The following ABI1 variants were observed in gnomAD, a reference collection of about 807,000 sequenced individuals.
ABI1 encodes the protein abl interactor 1, also known as Abelson interactor 1.
ABI1 carries 14 observed loss-of-function variants against 54.6 expected under a neutral mutation model. That is an observed-to-expected ratio of 0.26 (90% CI 0.17 to 0.40). ABI1 has a LOEUF of 0.40. Among genes scored for constraint, ABI1 ranks in the 10% least tolerant of loss-of-function variants. ABI1 has a pLI of 1.00. For missense variants in ABI1, 443 were observed against 598.3 expected (o/e 0.74, Z 2.71); for synonymous variants, 194 against 209.3 (o/e 0.93, Z 0.63).
intron 2 of ABI1, among the ~76,000 whole-genome samples, chr10:26,807,494 T>C (rs998471104): frequency 2.0e-5 from 3 of 152,044 alleles, no homozygotes; most frequent in South Asian, 2.1e-4. Context: ...AAAAAAAAAG[T>C]TGATACTAAA....
chr10:26,830,201 AG>A (rs2048572013), intron 1 of ABI1, among the ~76,000 whole-genome samples: 1 of 152,170 alleles, frequency 6.6e-6, no homozygotes, highest in Non-Finnish European at 1.5e-5. Context: ...GGTTGTTTCC[AG>A]TTCTGGGCTA....
In ABI1 at chr10:26,765,220, G is replaced by C. The variant is rs776813895; in HGVS notation, c.818C>G (p.Pro273Arg). The C allele has an allele frequency of 4.2e-5, 67 of 1,595,706 alleles. No individual in the cohort carries two copies. The highest frequency in any genetic ancestry group is 5.2e-5 in the Admixed American group (3 of 57,596). Residue 273 changes from proline (P) to arginine (R), a missense_variant and splice_region_variant, in exon 7 of 11, where the codon CCA becomes CGA. By Grantham distance (103) the Pro-to-Arg change is moderately radical. Transcript: ENST00000376140. Reference sequence around the variant, plus strand: ...ACATAGATTAATAAATAACACACCTGGTCCAATAGTGGGTGGCGAAGGTGT... The same window carrying C: ...ACATAGATTAATAAATAACACACCTCGTCCAATAGTGGGTGGCGAAGGTGT... ...VPTPSPPTIG[P>R]AAPGSAPGSQ...
At chr10:26,792,398 A>C (rs1361253138) in intron 2 of ABI1, among the ~76,000 whole-genome samples, 1 of 152,234 alleles carries the variant, frequency 6.6e-6, no homozygotes, top group African/African-American at 2.4e-5. Flanking sequence ...CAGGTGAAAG[A>C]GAAAAAAGGA....
chr10:26,765,717 T>G (rs1839870983), intron 6 of ABI1, among the ~76,000 whole-genome samples: 2 of 136,528 alleles, frequency 1.5e-5, no homozygotes, highest in African/African-American at 2.8e-5. Flanking sequence ...TGGTAGGCAA[T>G]GGGAGGGTTG....
At chr10:26,797,014 G>A (rs1474662516) in intron 2 of ABI1, among the ~76,000 whole-genome samples, 1 of 152,164 alleles carries the variant, frequency 6.6e-6, no homozygotes, top group Admixed American at 6.5e-5. Flanking sequence ...CTCCTGCTAT[G>A]CAGCCCGGTT....
chr10:26,826,490 G>A (rs918478049), intron 1 of ABI1, among the ~76,000 whole-genome samples: 1 of 152,164 alleles, frequency 6.6e-6, no homozygotes, highest in African/African-American at 2.4e-5. Flanking sequence ...TGGCAAATGA[G>A]CACTGGATTC....
chr10:26,838,041 TGA>T (rs200203182), intron 1 of ABI1, among the ~76,000 whole-genome samples: 3 of 150,656 alleles, frequency 2.0e-5, no homozygotes, highest in Non-Finnish European at 3.0e-5. Context: ...TTTTTTTTTT[TGA>T]GAGAGAGTCT....
At chr10:26,841,286 A>C (rs892490960) in intron 1 of ABI1, among the ~76,000 whole-genome samples, 1 of 152,096 alleles carries the variant, frequency 6.6e-6, no homozygotes, top group African/African-American at 2.4e-5. Context: ...TTTTTAAATA[A>C]ATTTTATTGT....
chr10:26,798,043 A>T (rs1353229510), intron 2 of ABI1, among the ~76,000 whole-genome samples: 2 of 152,162 alleles, frequency 1.3e-5, no homozygotes, highest in Non-Finnish European at 2.9e-5. Flanking sequence ...TAAAATTCAC[A>T]GTCCAAAACT....
chr10:26,752,563 A>G (rs564827789), intron 9 of ABI1, among the ~76,000 whole-genome samples: 1 of 152,286 alleles, frequency 6.6e-6, no homozygotes, highest in African/African-American at 2.4e-5. Context: ...CTAAGAATAC[A>G]TCAACAATTA....
At chr10:26,847,934 G>A (rs780735565) in intron 1 of ABI1, among the ~76,000 whole-genome samples, 14 of 151,722 alleles carry the variant, frequency 9.2e-5, no homozygotes, top group South Asian at 2.1e-4. Context: ...TTGGGAGGCC[G>A]AGTCAGGAGG....
intron 2 of ABI1, among the ~76,000 whole-genome samples, chr10:26,807,797 A>G (rs2046968790): frequency 6.6e-6 from 1 of 152,180 alleles, no homozygotes; most frequent in South Asian, 2.1e-4. Context: ...CTAGCTACAA[A>G]AATAGCAAAC....
intron 1 of ABI1, among the ~76,000 whole-genome samples, chr10:26,837,126 C>G (rs1378942223): frequency 6.6e-6 from 1 of 152,184 alleles, no homozygotes; most frequent in Admixed American, 6.5e-5. Flanking sequence ...ATTAAATATA[C>G]AGTCGGCTTG....
chr10:26,795,080 A>C (rs1483758251), intron 2 of ABI1, among the ~76,000 whole-genome samples: 1 of 151,022 alleles, frequency 6.6e-6, no homozygotes. Context: ...GGAGGCGGAG[A>C]TTGCAGTGAG....
intron 1 of ABI1, among the ~76,000 whole-genome samples, chr10:26,846,295 A>T (rs1193788525): frequency 6.6e-6 from 1 of 151,896 alleles, no homozygotes; most frequent in Non-Finnish European, 1.5e-5. Context: ...ACTTCATAAA[A>T]AGTAAAAATT....
intron 1 of ABI1, among the ~76,000 whole-genome samples, chr10:26,846,869 G>A (rs750336741): frequency 4.6e-5 from 7 of 151,830 alleles, no homozygotes; most frequent in Non-Finnish European, 8.8e-5. Context: ...AATGTTCTCG[G>A]TTAACATATA....
Position 26,768,931 on chromosome 10 carries a change from T to C in ABI1, c.640A>G (p.Met214Val). Residue 214 changes from methionine to valine, a missense_variant, in exon 6 of 11, where the codon ATG becomes GTG. Transcript: ENST00000376140. The stretch of plus-strand genomic sequence containing the variant: ...CTTCCAAGCCTAGCAGGACTGGTCA[T>C]ATAGTCATTAGGAACTGTTGGGGGT... ...VKPPTVPNDY[M>V]TSPARLGSQH... The C allele has an allele frequency of 6.2e-7, 1 of 1,613,572 alleles. No homozygotes were observed. Among genetic ancestry groups the C allele is most frequent in the Non-Finnish European group, 8.5e-7 (1 of 1,179,558 alleles).
chr10:26,854,363 A>G (rs945641603), intron 1 of ABI1, among the ~76,000 whole-genome samples: 1 of 151,446 alleles, frequency 6.6e-6, no homozygotes, highest in Non-Finnish European at 1.5e-5. Context: ...CAGTATTCTC[A>G]CCTTGAGAGT....
chr10:26,779,198 T>C (rs191012191), intron 2 of ABI1, among the ~76,000 whole-genome samples: 13 of 152,292 alleles, frequency 8.5e-5, no homozygotes, highest in East Asian at 3.9e-4. Context: ...TTAGTAGAAA[T>C]TGAGAAAAGT....
Sources: gnomAD v4.1 joint callset for allele counts (sites outside exome capture counted in the v4.1 genomes callset) on GRCh38, gnomAD v4.1.1 for gene constraint, MANE v1.5 for transcripts, NCBI Gene and HGNC (gene_info 2026-07-23, HGNC 2026-07-21) for gene names.